ADAM12: variants seen among roughly 807,000 people sequenced by gnomAD.
ADAM12 encodes the protein ADAM metallopeptidase domain 12.
A neutral mutation model predicts 106.4 loss-of-function variants in ADAM12; 70 were observed. The ratio of observed to expected loss-of-function variants is 0.66; its 90% CI spans 0.54 to 0.80. ADAM12 has a LOEUF of 0.80. Ranked by LOEUF, ADAM12 falls within the 30% of genes least tolerant of loss-of-function variation. ADAM12 has a pLI of 0.00. For missense variants in ADAM12, 1,010 were observed against 1,171.9 expected (o/e 0.86, Z 2.02); for synonymous variants, 420 against 433.5 (o/e 0.97, Z 0.39).
chr10:126,080,325 G>A (rs1955187628), intron 11 of ADAM12, among the ~76,000 whole-genome samples: 2 of 152,136 alleles, frequency 1.3e-5, no homozygotes, highest in African/African-American at 4.8e-5. Flanking sequence ...CGTAGCTTTT[G>A]GCAAGCTCAT....
chr10:126,274,593 C>T (rs570848674), intron 3 of ADAM12, among the ~76,000 whole-genome samples: 3 of 152,238 alleles, frequency 2.0e-5, no homozygotes, highest in Admixed American at 6.5e-5. Flanking sequence ...CCGTGCCAAG[C>T]ACAATTATTC....
chr10:126,065,094 A>G, intron 13 of ADAM12, 93 bp from the exon 14 acceptor site: 1 of 1,311,432 alleles, frequency 7.6e-7, no homozygotes, highest in South Asian at 1.5e-5. Context: ...ACAAGGCCAT[A>G]AGTCCCACAT....
chr10:126,379,550 G>C (rs1856419679), intron 1 of ADAM12, among the ~76,000 whole-genome samples: 1 of 152,092 alleles, frequency 6.6e-6, no homozygotes, highest in Non-Finnish European at 1.5e-5. Context: ...TCAGGGGGAT[G>C]GGGAGCTAGG....
chr10:126,238,167 C>T (rs1342970320), intron 3 of ADAM12, among the ~76,000 whole-genome samples: 1 of 152,198 alleles, frequency 6.6e-6, no homozygotes, highest in Non-Finnish European at 1.5e-5. Flanking sequence ...CTTCAAAACG[C>T]TTCCTACAAT....
At chr10:126,277,640 T>C (rs927975886) in intron 3 of ADAM12, among the ~76,000 whole-genome samples, 5 of 152,184 alleles carry the variant, frequency 3.3e-5, no homozygotes, top group Non-Finnish European at 7.3e-5. Flanking sequence ...TCAAAAGCAA[T>C]ATACAGTTTT....
At chr10:126,161,678 C>G (rs568806059) in intron 3 of ADAM12, among the ~76,000 whole-genome samples, 2 of 152,270 alleles carry the variant, frequency 1.3e-5, no homozygotes, top group East Asian at 3.9e-4. Context: ...ATGGATGAAA[C>G]TGAGAAGGCG....
At chr10:126,172,484 T>G (rs1379601691) in intron 3 of ADAM12, among the ~76,000 whole-genome samples, 2 of 152,170 alleles carry the variant, frequency 1.3e-5, no homozygotes, top group Non-Finnish European at 2.9e-5. Flanking sequence ...ACATTTATGT[T>G]GCCAACAAAC....
chr10:126,381,242 A>C (rs556398711), intron 1 of ADAM12, among the ~76,000 whole-genome samples: 1 of 152,350 alleles, frequency 6.6e-6, no homozygotes, highest in Non-Finnish European at 1.5e-5. Context: ...TATGTCGAGC[A>C]TGGTAATCAA....
chr10:126,113,902 C>A (rs375412697), intron 6 of ADAM12, among the ~76,000 whole-genome samples: 6 of 150,582 alleles, frequency 4.0e-5, no homozygotes, highest in Non-Finnish European at 7.4e-5. Flanking sequence ...CACCTGACAG[C>A]GAGAAAACAA....
intron 3 of ADAM12, among the ~76,000 whole-genome samples, chr10:126,161,110 TA>T (rs1328450337): frequency 1.2e-5 from 1 of 85,048 alleles, no homozygotes; most frequent in Non-Finnish European, 2.7e-5. Context: ...TCTCCTTACT[TA>T]TTTATCTCTA....
chr10:126,362,909 C>G (rs1421890766), intron 1 of ADAM12, among the ~76,000 whole-genome samples: 1 of 152,094 alleles, frequency 6.6e-6, no homozygotes, highest in Non-Finnish European at 1.5e-5. Flanking sequence ...GTGTGTTGTA[C>G]ATTTCAAATT....
At chr10:126,094,200 C>T (rs1955515106) in intron 10 of ADAM12, 67 bp from the exon 11 acceptor site, 3 of 1,492,540 alleles carry the variant, frequency 2.0e-6, no homozygotes, top group Middle Eastern at 1.8e-4. Flanking sequence ...CCAGGTCTCC[C>T]TCCCCACAGA....
intron 3 of ADAM12, among the ~76,000 whole-genome samples, chr10:126,179,518 G>A (rs906456485): frequency 6.6e-6 from 1 of 152,182 alleles, no homozygotes; most frequent in African/African-American, 2.4e-5. Context: ...TTTTGCCCTT[G>A]TGAAGAAAAA....
chr10:126,154,395 T>A (rs1956778177), intron 4 of ADAM12, among the ~76,000 whole-genome samples: 1 of 152,200 alleles, frequency 6.6e-6, no homozygotes, highest in African/African-American at 2.4e-5. Context: ...GCTGCAGGTA[T>A]CAGCTTGCAA....
At chr10:126,302,725 T>C (rs1440943184) in intron 2 of ADAM12, among the ~76,000 whole-genome samples, 1 of 152,210 alleles carries the variant, frequency 6.6e-6, no homozygotes, top group African/African-American at 2.4e-5. Flanking sequence ...TGCTAAATTA[T>C]AAATCACTCC....
intron 8 of ADAM12, among the ~76,000 whole-genome samples, chr10:126,105,469 G>A (rs1955747944): frequency 6.6e-6 from 1 of 152,170 alleles, no homozygotes; most frequent in Admixed American, 6.5e-5. Flanking sequence ...CGCTCACCTT[G>A]GAGTGGCACC....
At chr10:126,234,503 G>A (rs542333774) in intron 3 of ADAM12, among the ~76,000 whole-genome samples, 10 of 152,320 alleles carry the variant, frequency 6.6e-5, no homozygotes, top group Non-Finnish European at 4.4e-5. Context: ...AACGTTTCTA[G>A]TTCAACAAGA....
intron 1 of ADAM12, among the ~76,000 whole-genome samples, chr10:126,351,023 T>C (rs775190529): frequency 1.6e-4 from 25 of 152,142 alleles, no homozygotes; most frequent in Non-Finnish European, 3.2e-4. Context: ...AGTGTACCCA[T>C]ATCGGTCACA....
intron 3 of ADAM12, among the ~76,000 whole-genome samples, chr10:126,239,708 C>G (rs930698826): frequency 6.6e-6 from 1 of 152,188 alleles, no homozygotes; most frequent in Non-Finnish European, 1.5e-5. Context: ...ACGTTTGCAA[C>G]TTTTTGATCA....
Sources: allele counts gnomAD v4.1 joint callset (sites outside exome capture counted in the v4.1 genomes callset), GRCh38; gene constraint gnomAD v4.1.1; transcripts MANE v1.5; gene names NCBI Gene and HGNC (gene_info 2026-07-23, HGNC 2026-07-21).